Variants in GPHN observed in about 807,000 individuals in gnomAD.
GPHN encodes the protein gephyrin.
A neutral mutation model predicts 95.5 loss-of-function variants in GPHN; 17 were observed. The ratio of observed to expected loss-of-function variants is 0.18; its 90% CI spans 0.12 to 0.27. The LOEUF is 0.27. Among genes scored for constraint, GPHN ranks in the 10% least tolerant of loss-of-function variants. The pLI is 1.00. For missense variants in GPHN, 660 were observed against 978.1 expected (o/e 0.67, Z 4.34); for synonymous variants, 320 against 322.5 (o/e 0.99, Z 0.08).
the GPHN span, among the ~76,000 whole-genome samples, chr14:67,318,003 C>A: frequency 6.6e-6 from 1 of 152,222 alleles, no homozygotes; most frequent in South Asian, 2.1e-4. Context: ...ATGACTGTTG[C>A]TCTTATATCA....
chr14:67,316,257 T>A, the GPHN span, among the ~76,000 whole-genome samples: 1 of 152,184 alleles, frequency 6.6e-6, no homozygotes, highest in Non-Finnish European at 1.5e-5. Flanking sequence ...ATTAAAATAT[T>A]AATTTTGTAA....
chr14:67,686,508 G>A, the GPHN span, among the ~76,000 whole-genome samples: 2 of 152,098 alleles, frequency 1.3e-5, no homozygotes, highest in East Asian at 1.9e-4. Context: ...GCATGGTGGC[G>A]TGCACCTGTA....
At chr14:66,696,914 C>T (rs969048059) in intron 2 of GPHN, among the ~76,000 whole-genome samples, 2 of 152,080 alleles carry the variant, frequency 1.3e-5, no homozygotes, top group Non-Finnish European at 2.9e-5. Context: ...AAAGAGTAGT[C>T]CTCATTAGAA....
At chr14:67,164,362 G>A (rs886321476) in intron 19 of GPHN, among the ~76,000 whole-genome samples, 4 of 151,802 alleles carry the variant, frequency 2.6e-5, no homozygotes, top group African/African-American at 9.7e-5. Context: ...CTTGATAAGA[G>A]GGAAGTGTTT....
At chr14:66,656,350 G>C (rs991235732) in intron 1 of GPHN, among the ~76,000 whole-genome samples, 1 of 152,120 alleles carries the variant, frequency 6.6e-6, no homozygotes, top group Non-Finnish European at 1.5e-5. Flanking sequence ...GGAATTGCCT[G>C]TGTCTCTTAG....
chr14:67,453,955 G>A, the GPHN span: 1 of 152,286 alleles, frequency 6.6e-6, no homozygotes, highest in East Asian at 1.9e-4. Flanking sequence ...CTCTCAGGAG[G>A]GCCTTAAAAA....
intron 4 of GPHN, among the ~76,000 whole-genome samples, chr14:66,872,490 T>C (rs908419631): frequency 7.2e-5 from 11 of 152,192 alleles, no homozygotes; most frequent in East Asian, 3.9e-4. Flanking sequence ...CCTATTTTGA[T>C]TGACCCTTCA....
the GPHN span, among the ~76,000 whole-genome samples, chr14:67,618,643 A>G: frequency 6.6e-6 from 1 of 152,006 alleles, no homozygotes; most frequent in Admixed American, 6.6e-5. Context: ...GGCCTCCCAA[A>G]GTGTTGGAAT....
At chr14:67,283,436 G>A in the GPHN span, among the ~76,000 whole-genome samples, 50 of 152,144 alleles carry the variant, frequency 3.3e-4, no homozygotes, top group African/African-American at 1.1e-3. Flanking sequence ...TTGGCTTTAA[G>A]ATAAAGTTTA....
chr14:67,430,975 A>G, the GPHN span, among the ~76,000 whole-genome samples: 3 of 152,176 alleles, frequency 2.0e-5, no homozygotes, highest in African/African-American at 7.2e-5. Flanking sequence ...TGCCCCAACA[A>G]CCTGGCAGGA....
intron 1 of GPHN, among the ~76,000 whole-genome samples, chr14:66,567,461 T>A (rs2060506896): frequency 6.6e-6 from 1 of 152,198 alleles, no homozygotes; most frequent in African/African-American, 2.4e-5. Context: ...CTCTTTAAAA[T>A]TCCCTAGGGA....
intron 2 of GPHN, among the ~76,000 whole-genome samples, chr14:66,726,305 A>G (rs17836572): frequency 0.31 from 47,820 of 152,062 alleles, 11,502 homozygotes; most frequent in African/African-American, 0.65. Context: ...GTAGCATAAT[A>G]GCAAAAGTAG....
At chr14:66,692,540 G>T (rs140004173) in intron 2 of GPHN, among the ~76,000 whole-genome samples, 3 of 152,240 alleles carry the variant, frequency 2.0e-5, no homozygotes, top group African/African-American at 7.2e-5. Context: ...AATTATCCTG[G>T]CTCCTCTATA....
chr14:67,555,628 C>G, the GPHN span, among the ~76,000 whole-genome samples: 2 of 152,218 alleles, frequency 1.3e-5, no homozygotes, highest in Non-Finnish European at 1.5e-5. Context: ...GGGCTCTTCA[C>G]CTGCCCCATG....
the GPHN span, chr14:67,320,424 C>A: frequency 1.9e-6 from 3 of 1,548,620 alleles, no homozygotes; most frequent in African/African-American, 2.8e-5. Flanking sequence ...TCCCATTTTC[C>A]TGTGCTTTTC....
At chr14:66,952,766 C>T (rs1366892567) in intron 8 of GPHN, among the ~76,000 whole-genome samples, 1 of 152,142 alleles carries the variant, frequency 6.6e-6, no homozygotes, top group African/African-American at 2.4e-5. Flanking sequence ...CCAATCTCGG[C>T]TCACTGCAAC....
the GPHN span, chr14:67,365,020 A>G: frequency 1.3e-6 from 2 of 1,572,002 alleles, no homozygotes; most frequent in African/African-American, 1.4e-5. Flanking sequence ...TAAGTGAGAA[A>G]AATATCTGTA....
chr14:66,706,701 A>G (rs2069107407), intron 2 of GPHN, among the ~76,000 whole-genome samples: 1 of 152,222 alleles, frequency 6.6e-6, no homozygotes. Context: ...ACCCAAAACT[A>G]TAAAAACCCT....
the GPHN span, among the ~76,000 whole-genome samples, chr14:67,408,344 TAAAATAAAATAAAAA>T: frequency 1.2e-3 from 167 of 138,074 alleles, no homozygotes; most frequent in African/African-American, 4.2e-3. Context: ...TAAAATAAAA[TAAAATAAAATAAAAA>T]AAGAAAAAAC....
Sources: gnomAD v4.1 joint callset for allele counts (sites outside exome capture counted in the v4.1 genomes callset) on GRCh38, gnomAD v4.1.1 for gene constraint, MANE v1.5 for transcripts, NCBI Gene and HGNC (gene_info 2026-07-23, HGNC 2026-07-21) for gene names.